Variants in ZNF33A observed in about 807,000 individuals in gnomAD.
The protein encoded by ZNF33A is zinc finger protein 33A.
Under a neutral mutation model 15.9 loss-of-function variants are expected in ZNF33A, and 9 were observed. The observed-to-expected ratio is 0.57, with a 90% CI of 0.34 to 0.99. The LOEUF (loss-of-function observed/expected upper bound fraction) is 0.99, where lower values mean the gene tolerates loss of function less well. ZNF33A is among the 50% of genes least tolerant of loss of function. The probability of loss-of-function intolerance (pLI) is 0.02; values close to 1 mark genes in which losing one functional copy is unlikely to be tolerated. For synonymous variants in ZNF33A, 294 were observed against 324.2 expected, an observed-to-expected ratio of 0.91 and a Z score of 1.00; for missense variants, 843 against 941.6, an observed-to-expected ratio of 0.90 and a Z score of 1.37.
At chr10:38,012,686 T>G (rs1245771885) in intron 2 of ZNF33A, among the ~76,000 whole-genome samples, 1 of 152,074 alleles carries the variant, frequency 6.6e-6, no homozygotes, top group African/African-American at 2.4e-5. Flanking sequence ...CCCGCCTTGG[T>G]CTCCCAAAGT....
rs760046100 is a variant in ZNF33A, at chr10:38,056,581, T to C, written c.*21T>C. 2.6e-6 allele frequency: 4 copies of C among 1,536,192 alleles called. No homozygotes were observed. The Middle Eastern group carries it at 5.3e-4, about 202-fold the overall frequency. On this transcript the variant is annotated 3_prime_UTR_variant, in exon 5 of 5. Coordinates refer to ENST00000432900, the MANE Select transcript of ZNF33A (RefSeq NM_006954.2). ...AGTAACTATCCACAAACTCACCTTA[T>C]GTTACTCCAAAGTAATAGTAGGGGA...
downstream of ZNF33A, among the ~76,000 whole-genome samples, chr10:38,067,142 T>A (rs2135798923): frequency 6.6e-6 from 1 of 152,308 alleles, no homozygotes; most frequent in Middle Eastern, 3.4e-3. Flanking sequence ...GATTTAATTT[T>A]CTCCTACCAG....
chr10:38,061,695 G>A (rs2066655682), downstream of ZNF33A, among the ~76,000 whole-genome samples: 1 of 152,090 alleles, frequency 6.6e-6, no homozygotes, highest in Admixed American at 6.5e-5. Flanking sequence ...ACTCTGGGAG[G>A]CCAAGCACAA....
intron 4 of ZNF33A, among the ~76,000 whole-genome samples, chr10:38,051,260 A>G (rs952964709): frequency 6.6e-6 from 1 of 152,214 alleles, no homozygotes; most frequent in African/African-American, 2.4e-5. Flanking sequence ...ATATTCACGA[A>G]GAATTAATTT....
At chr10:38,060,423 A>G (rs902260331), downstream of ZNF33A, among the ~76,000 whole-genome samples, 2 of 152,028 alleles carry the variant, frequency 1.3e-5, no homozygotes, top group East Asian at 1.9e-4. Flanking sequence ...ACATCCTCCC[A>G]CAGCAAACAG....
At chr10:38,046,775 A>G (rs982603250) in intron 4 of ZNF33A, among the ~76,000 whole-genome samples, 10 of 152,224 alleles carry the variant, frequency 6.6e-5, no homozygotes, top group African/African-American at 2.4e-4. Flanking sequence ...TATGTTCTAA[A>G]ACTTAAGTAG....
chr10:38,047,974 G>C (rs922974155), intron 4 of ZNF33A, among the ~76,000 whole-genome samples: 1 of 152,134 alleles, frequency 6.6e-6, no homozygotes, highest in Non-Finnish European at 1.5e-5. Flanking sequence ...GTTGATAGCA[G>C]ATTTCTCCTT....
rs775408643 is a variant in ZNF33A at position 38,055,935 on chromosome 10, C to G, written c.1811C>G (p.Thr604Arg). The stretch of plus-strand genomic sequence containing the variant: ...CTAACTAAACATAATAGAACACATA[C>G]AGGGGAGAAACCCTATGAATGTAAT... ...SYLTKHNRTH[T>R]GEKPYECNEC... Residue 604 changes from threonine to arginine, a missense_variant, in exon 5 of 5, where the codon ACA (threonine) becomes AGA (arginine). By Grantham distance (71) the Thr-to-Arg change is moderately conservative. Coordinates refer to ENST00000432900, the MANE Select transcript of ZNF33A (RefSeq NM_006954.2). 1 of 1,614,034 alleles carries G rather than the reference C, an allele frequency of 6.2e-7. No individual in the cohort carries two copies. The highest frequency in any genetic ancestry group is 1.1e-5 in the South Asian group (1 of 91,080).
intron 4 of ZNF33A, among the ~76,000 whole-genome samples, chr10:38,019,729 C>T (rs1423643015): frequency 6.6e-6 from 1 of 152,090 alleles, no homozygotes; most frequent in Non-Finnish European, 1.5e-5. Flanking sequence ...TAAAAATTGG[C>T]TAGAAGTTCT....
intron 4 of ZNF33A, among the ~76,000 whole-genome samples, chr10:38,050,490 A>G (rs761197682): frequency 6.6e-6 from 1 of 152,166 alleles, no homozygotes; most frequent in Non-Finnish European, 1.5e-5. Flanking sequence ...TCACAGTTTT[A>G]TCTTTGAACT....
chr10:38,059,252 C>T lies in ZNF33A; in HGVS notation c.*2692C>T, dbSNP rs1212241996. On this transcript the variant is annotated 3_prime_UTR_variant, in exon 5 of 5. Coordinates refer to ENST00000432900, the MANE Select transcript of ZNF33A (RefSeq NM_006954.2). ...ATACTACAAAAAACCCTACAGCTAACATTATCCTTGATGTTTCCAACTAGA... is the reference window on the plus strand; with the variant it reads ...ATACTACAAAAAACCCTACAGCTAATATTATCCTTGATGTTTCCAACTAGA... The T allele has an allele frequency of 6.6e-6, 1 of 152,086 alleles. No homozygotes were observed. The highest frequency in any genetic ancestry group is 2.4e-5 in the African/African-American group (1 of 41,340). The allele number at this position is 152,086 out of a possible 1,614,324, so 9.4% of individuals were successfully genotyped here.
chr10:38,013,424 A>C (rs1199955227), intron 2 of ZNF33A, among the ~76,000 whole-genome samples: 4 of 150,890 alleles, frequency 2.7e-5, no homozygotes, highest in Non-Finnish European at 5.9e-5. Context: ...ATTAAAATGT[A>C]TTTTATTATT....
Position 38,054,598 on chromosome 10 carries a change from T to G in ZNF33A, c.474T>G (p.Ser158Arg), listed in dbSNP as rs746393127. 1.4e-5 allele frequency: 22 copies of G among 1,611,712 alleles called. No homozygotes were observed. The highest frequency in any genetic ancestry group is 1.7e-5 in the Non-Finnish European group (20 of 1,179,290). ...ACACTGTTTCAGAATTGGTTATCAG[T>G]AAGATAAACTATTTAGGAAAAAAGT... ...SFNTVSELVISKINYLGKKSD... is the reference protein window; with the variant it reads ...SFNTVSELVIRKINYLGKKSD... The change falls in exon 5 of 5, where the codon AGT becomes AGG. Residue 158 changes from serine (S) to arginine (R), a missense_variant. By Grantham distance (110) the Ser-to-Arg change is moderately radical. Transcript: ENST00000432900.
downstream of ZNF33A, among the ~76,000 whole-genome samples, chr10:38,062,390 A>G (rs1369746197): frequency 6.6e-6 from 1 of 152,222 alleles, no homozygotes; most frequent in African/African-American, 2.4e-5. Context: ...TGGCCATGCT[A>G]CACTCTCATC....
At chr10:38,063,988 T>A, downstream of ZNF33A, 1 of 1,145,316 alleles carries the variant, frequency 8.7e-7, no homozygotes, top group East Asian at 2.4e-5. Flanking sequence ...GTGCATTCTG[T>A]AGGAAAACAG....
intron 4 of ZNF33A, among the ~76,000 whole-genome samples, chr10:38,053,375 TG>T (rs776574923): frequency 1.3e-5 from 2 of 151,940 alleles, no homozygotes; most frequent in Non-Finnish European, 2.9e-5. Flanking sequence ...GGTGGTGGGT[TG>T]GGGGAGAAAG....
In ZNF33A at chr10:38,059,252, C is replaced by G. The variant is rs1212241996; in HGVS notation, c.*2692C>G. On this transcript the variant is annotated 3_prime_UTR_variant, in exon 5 of 5. Transcript: ENST00000432900. ...ATACTACAAAAAACCCTACAGCTAA[C>G]ATTATCCTTGATGTTTCCAACTAGA... is the stretch of plus-strand genomic sequence containing the variant. The G allele has an allele frequency of 6.6e-6, 1 of 152,086 alleles. No homozygotes were observed. The highest frequency in any genetic ancestry group is 1.5e-5 in the Non-Finnish European group (1 of 68,034). 9.4% of individuals were successfully genotyped at this position (152,086 alleles called of 1,614,324 possible).
chr10:38,019,989 A>G (rs1260209295), intron 4 of ZNF33A, among the ~76,000 whole-genome samples: 4 of 152,172 alleles, frequency 2.6e-5, no homozygotes, highest in African/African-American at 9.7e-5. Context: ...TGTCTGATAG[A>G]CTGATAAGTT....
intron 4 of ZNF33A, among the ~76,000 whole-genome samples, chr10:38,034,064 C>G (rs2065334888): frequency 6.6e-6 from 1 of 152,088 alleles, no homozygotes; most frequent in Non-Finnish European, 1.5e-5. Flanking sequence ...TCTCCTTTGT[C>G]AATTTAAAAC....
Sources: allele counts gnomAD v4.1 joint callset (sites outside exome capture counted in the v4.1 genomes callset), GRCh38; gene constraint gnomAD v4.1.1; transcripts MANE v1.5; gene names NCBI Gene and HGNC (gene_info 2026-07-23, HGNC 2026-07-21).